Variants in CCDC7 observed in about 807,000 individuals in gnomAD.
CCDC7 encodes the protein coiled-coil domain containing 7.
A neutral mutation model predicts 196.9 loss-of-function variants in CCDC7; 183 were observed. The ratio of observed to expected loss-of-function variants is 0.93; its 90% confidence interval spans 0.82 to 1.05. The LOEUF is 1.05. CCDC7 is among the 50% of genes least tolerant of loss of function. CCDC7 has a pLI of 0.00. For synonymous variants in CCDC7, 525 were observed against 484.6 expected, an observed-to-expected ratio of 1.08 and a Z score of -1.10; for missense variants, 1,540 against 1,482.2, an observed-to-expected ratio of 1.04 and a Z score of -0.64.
chr10:32,485,071 T>G (rs2040753880), intron 8 of CCDC7, among the ~76,000 whole-genome samples: 1 of 152,116 alleles, frequency 6.6e-6, no homozygotes, highest in Non-Finnish European at 1.5e-5. Context: ...TCAGAAGGAG[T>G]GGTACCAGCT....
chr10:32,456,379 T>G (rs2034351331), intron 3 of CCDC7, 45 bp downstream of exon 4: 1 of 1,398,018 alleles, frequency 7.2e-7, no homozygotes, highest in Non-Finnish European at 9.5e-7. Context: ...ATCAAACTTG[T>G]ACTGGTTGTT....
chr10:32,636,161 C>A (rs1335859570), intron 20 of CCDC7, among the ~76,000 whole-genome samples: 1 of 152,174 alleles, frequency 6.6e-6, no homozygotes, highest in Non-Finnish European at 1.5e-5. Context: ...ATTATTGAGT[C>A]ATTAGCATAT....
At chr10:32,694,442 C>A (rs1239885758) in intron 23 of CCDC7, among the ~76,000 whole-genome samples, 1 of 152,170 alleles carries the variant, frequency 6.6e-6, no homozygotes, top group Admixed American at 6.5e-5. Flanking sequence ...TCACAGTTTC[C>A]AAGATTCTAT....
intron 3 of CCDC7, among the ~76,000 whole-genome samples, chr10:32,458,876 T>C (rs1218678353): frequency 6.6e-6 from 1 of 152,162 alleles, no homozygotes; most frequent in Non-Finnish European, 1.5e-5. Flanking sequence ...AAAATGATAC[T>C]GGGCTTAAGC....
chr10:32,476,843 ATC>A (rs2039059161), intron 8 of CCDC7, among the ~76,000 whole-genome samples: 1 of 152,178 alleles, frequency 6.6e-6, no homozygotes, highest in Admixed American at 6.5e-5. Context: ...CTTATTTGCC[ATC>A]TGTTTCATTT....
At chr10:32,824,693 T>C in intron 32 of CCDC7, 89 bp downstream of exon 33, 1 of 751,380 alleles carries the variant, frequency 1.3e-6, no homozygotes, top group South Asian at 2.2e-5. Flanking sequence ...AGTACCTATA[T>C]GTAATTATCA....
chr10:32,847,992 C>A, intron 38 of CCDC7, 76 bp downstream of exon 39: 2 of 862,058 alleles, frequency 2.3e-6, no homozygotes, highest in Non-Finnish European at 3.7e-6. Flanking sequence ...TTAATGATAA[C>A]AGTACCTATA....
chr10:32,778,927 A>G (rs182222746), intron 28 of CCDC7, 50 bp from the exon 30 acceptor site: 44 of 1,397,742 alleles, frequency 3.1e-5, no homozygotes, highest in Middle Eastern at 1.8e-4. Context: ...GTGTTTCACA[A>G]AATGTTAGTT....
chr10:32,742,446 G>C (rs144505690), intron 28 of CCDC7, among the ~76,000 whole-genome samples: 2 of 152,120 alleles, frequency 1.3e-5, no homozygotes, highest in South Asian at 4.1e-4. Flanking sequence ...TTATAGTATC[G>C]TACAGAATAG....
At chr10:32,693,142 A>G (rs1025534446) in intron 23 of CCDC7, among the ~76,000 whole-genome samples, 9 of 152,130 alleles carry the variant, frequency 5.9e-5, no homozygotes, top group African/African-American at 1.2e-4. Context: ...TTTTTCTTCA[A>G]TGATTTCATT....
At chr10:32,531,555 G>C (rs575596058) in intron 11 of CCDC7, among the ~76,000 whole-genome samples, 1 of 152,254 alleles carries the variant, frequency 6.6e-6, no homozygotes, top group East Asian at 1.9e-4. Context: ...TGATATCAAG[G>C]TAATGCTGGC....
intron 31 of CCDC7, among the ~76,000 whole-genome samples, chr10:32,818,944 G>A (rs576614559): frequency 6.6e-6 from 1 of 152,132 alleles, no homozygotes; most frequent in African/African-American, 2.4e-5. Context: ...GCTAGCAGAA[G>A]GCCAGAAATA....
chr10:32,561,267 C>T (rs2055555262), intron 13 of CCDC7, among the ~76,000 whole-genome samples: 1 of 150,774 alleles, frequency 6.6e-6, no homozygotes, highest in Admixed American at 6.6e-5. Flanking sequence ...CGAGACAAGC[C>T]AGGAATTGAA....
At chr10:32,583,397 C>A in intron 17 of CCDC7, 90 bp downstream of exon 18, 1 of 848,476 alleles carries the variant, frequency 1.2e-6, no homozygotes, top group Non-Finnish European at 1.6e-6. Context: ...GTTAAAAATT[C>A]AATATTTTCT....
intron 11 of CCDC7, among the ~76,000 whole-genome samples, chr10:32,518,706 A>AC (rs1274700456): frequency 4.9e-3 from 13 of 2,666 alleles, no homozygotes; most frequent in Admixed American, 6.6e-3. Context: ...GCCATGAAAA[A>AC]ACATAAAATT....
intron 25 of CCDC7, among the ~76,000 whole-genome samples, chr10:32,717,707 C>G (rs2081827296): frequency 6.6e-6 from 1 of 152,038 alleles, no homozygotes; most frequent in South Asian, 2.1e-4. Context: ...CACCCCTGAT[C>G]CCACAGAAAT....
At chr10:32,547,577 G>T (rs540176517) in intron 13 of CCDC7, among the ~76,000 whole-genome samples, 1 of 150,998 alleles carries the variant, frequency 6.6e-6, no homozygotes, top group Admixed American at 6.6e-5. Flanking sequence ...TTTGCCTGCC[G>T]TCTTATTTTA....
chr10:32,500,842 G>A (rs2043893223), intron 9 of CCDC7, among the ~76,000 whole-genome samples: 1 of 152,216 alleles, frequency 6.6e-6, no homozygotes, highest in Admixed American at 6.5e-5. Context: ...GTCAGGAGCT[G>A]GAGACCAGCC....
In CCDC7 at chr10:32,584,382, A is replaced by G; in HGVS notation, c.1801+78A>G. The G allele has an allele frequency of 6.3e-6, 6 of 949,732 alleles. No homozygotes were observed. In the South Asian group the frequency reaches 1.1e-4, roughly 17 times the overall value. 58.8% of individuals were successfully genotyped at this position (949,732 alleles called of 1,614,324 possible). A position where few individuals can be genotyped will look rare whatever the true frequency, so the allele number is the denominator to read the frequency against. ...TCCATGATATAATTATAAATAAATG[A>G]GGGGAAAACATTATTAAATATACAA... On this transcript the variant is annotated intron_variant, in intron 18 of 41. Coordinates refer to ENST00000639629, the Ensembl canonical transcript of CCDC7.
Sources: allele counts gnomAD v4.1 joint callset (sites outside exome capture counted in the v4.1 genomes callset), GRCh38; gene constraint gnomAD v4.1.1; transcripts MANE v1.5; gene names NCBI Gene and HGNC (gene_info 2026-07-23, HGNC 2026-07-21).